Variants in HS6ST3 observed in about 807,000 individuals in gnomAD.
HS6ST3 encodes the protein heparan sulfate 6-O-sulfotransferase 3.
Under a neutral mutation model 36.7 loss-of-function variants are expected in HS6ST3, and 12 were observed. The observed-to-expected ratio is 0.33, with a 90% CI of 0.21 to 0.53. The LOEUF (loss-of-function observed/expected upper bound fraction) is 0.53, where lower values mean the gene tolerates loss of function less well. Among genes scored for constraint, HS6ST3 ranks in the 20% least tolerant of loss-of-function variants. The pLI, the probability that HS6ST3 is intolerant of heterozygous loss-of-function variation, is 0.95. For synonymous variants in HS6ST3, 240 were observed against 257.5 expected (o/e 0.93, Z 0.65); for missense variants, 584 against 640.9 (o/e 0.91, Z 0.96).
chr13:96,368,010 C>A (rs2055271627), intron 1 of HS6ST3, among the ~76,000 whole-genome samples: 2 of 152,152 alleles, frequency 1.3e-5, no homozygotes, highest in African/African-American at 4.8e-5. Flanking sequence ...GTGCACAGAG[C>A]ACAATATTTC....
intron 1 of HS6ST3, among the ~76,000 whole-genome samples, chr13:96,626,280 C>T (rs376053105): frequency 7.8e-4 from 119 of 152,168 alleles, no homozygotes; most frequent in African/African-American, 2.7e-3. Flanking sequence ...TCTTTTAATA[C>T]GCCTAAATTT....
intron 1 of HS6ST3, among the ~76,000 whole-genome samples, chr13:96,704,417 A>G (rs1381363966): frequency 6.6e-6 from 1 of 152,230 alleles, no homozygotes; most frequent in Non-Finnish European, 1.5e-5. Context: ...TATTAGTAGT[A>G]AGATCAGTCA....
intron 1 of HS6ST3, among the ~76,000 whole-genome samples, chr13:96,614,170 C>T (rs1260918056): frequency 6.6e-6 from 1 of 151,406 alleles, no homozygotes. Context: ...TGGTGATGGG[C>T]GCCTGTAGTC....
At chr13:96,448,919 T>A (rs1031761710) in intron 1 of HS6ST3, among the ~76,000 whole-genome samples, 6 of 151,374 alleles carry the variant, frequency 4.0e-5, no homozygotes, top group African/African-American at 9.8e-5. Context: ...GTTTTTATTT[T>A]TTTATTTTCA....
intron 1 of HS6ST3, among the ~76,000 whole-genome samples, chr13:96,409,626 A>G (rs1325285357): frequency 6.6e-6 from 1 of 152,206 alleles, no homozygotes; most frequent in Non-Finnish European, 1.5e-5. Flanking sequence ...CAATAAATAT[A>G]TAGGAACTTC....
chr13:96,320,756 G>A (rs563665884), intron 1 of HS6ST3, among the ~76,000 whole-genome samples: 21 of 152,330 alleles, frequency 1.4e-4, no homozygotes, highest in East Asian at 1.4e-3. Context: ...CATCCCCAGC[G>A]TCGGGGAAGA....
chr13:96,761,184 G>T (rs928253969), intron 1 of HS6ST3, among the ~76,000 whole-genome samples: 1 of 150,356 alleles, frequency 6.7e-6, no homozygotes. Context: ...ACACAATCTC[G>T]GCTCACTGCA....
At chr13:96,223,920 A>G (rs1295914106) in intron 1 of HS6ST3, among the ~76,000 whole-genome samples, 1 of 152,178 alleles carries the variant, frequency 6.6e-6, no homozygotes, top group East Asian at 1.9e-4. Flanking sequence ...AGTTCTTTAT[A>G]TAATCTAAAG....
intron 1 of HS6ST3, among the ~76,000 whole-genome samples, chr13:96,753,454 C>A (rs1224599758): frequency 6.6e-6 from 1 of 152,000 alleles, no homozygotes; most frequent in Non-Finnish European, 1.5e-5. Flanking sequence ...TTTTTAGATA[C>A]TGTATATTTC....
intron 1 of HS6ST3, among the ~76,000 whole-genome samples, chr13:96,314,364 A>G (rs1299218834): frequency 2.6e-5 from 4 of 152,200 alleles, no homozygotes; most frequent in African/African-American, 4.8e-5. Flanking sequence ...CTTTACTAAG[A>G]TATTGGGAAA....
chr13:96,700,536 C>T (rs937813336), intron 1 of HS6ST3, among the ~76,000 whole-genome samples: 3 of 152,064 alleles, frequency 2.0e-5, no homozygotes, highest in Admixed American at 6.6e-5. Context: ...TTACATTATT[C>T]CTTTTACATT....
chr13:96,639,196 G>T (rs2056561534), intron 1 of HS6ST3, among the ~76,000 whole-genome samples: 1 of 151,920 alleles, frequency 6.6e-6, no homozygotes, highest in African/African-American at 2.4e-5. Context: ...TTTGTTATAT[G>T]TATTTTGAGA....
At chr13:96,424,086 C>G (rs1414182255) in intron 1 of HS6ST3, among the ~76,000 whole-genome samples, 1 of 152,164 alleles carries the variant, frequency 6.6e-6, no homozygotes, top group Non-Finnish European at 1.5e-5. Flanking sequence ...TCATCTTTCT[C>G]TAGCTAGTTC....
At chr13:96,442,113 C>T (rs2055674509) in intron 1 of HS6ST3, among the ~76,000 whole-genome samples, 1 of 151,882 alleles carries the variant, frequency 6.6e-6, no homozygotes, top group African/African-American at 2.4e-5. Context: ...CCTTGACCTC[C>T]CGTGTTCAGG....
chr13:96,235,901 AC>A (rs1209143934), intron 1 of HS6ST3, among the ~76,000 whole-genome samples: 1 of 152,186 alleles, frequency 6.6e-6, no homozygotes, highest in African/African-American at 2.4e-5. Context: ...TTACATGATC[AC>A]AAGGTAAAGT....
At chr13:96,791,255 CCT>C (rs1316810411) in intron 1 of HS6ST3, among the ~76,000 whole-genome samples, 1 of 152,054 alleles carries the variant, frequency 6.6e-6, no homozygotes, top group African/African-American at 2.4e-5. Context: ...TTTTCACCAT[CCT>C]CTAAGTTCTG....
intron 1 of HS6ST3, among the ~76,000 whole-genome samples, chr13:96,100,975 A>G (rs2139294855): frequency 6.6e-6 from 1 of 152,288 alleles, no homozygotes; most frequent in East Asian, 1.9e-4. Context: ...ATTAGTCTCC[A>G]CCTAAAGAAT....
chr13:96,431,731 T>A (rs187814669), intron 1 of HS6ST3, among the ~76,000 whole-genome samples: 119 of 152,324 alleles, frequency 7.8e-4, no homozygotes, highest in African/African-American at 2.7e-3. Flanking sequence ...GAACAAGCGA[T>A]GGTTGGCAAT....
intron 1 of HS6ST3, among the ~76,000 whole-genome samples, chr13:96,740,641 T>C (rs1469757606): frequency 6.6e-6 from 1 of 152,154 alleles, no homozygotes; most frequent in African/African-American, 2.4e-5. Context: ...GGTAATTTAA[T>C]ATGTCAGTAA....
Sources: allele counts gnomAD v4.1 joint callset (sites outside exome capture counted in the v4.1 genomes callset), GRCh38; gene constraint gnomAD v4.1.1; transcripts MANE v1.5; gene names NCBI Gene and HGNC (gene_info 2026-07-23, HGNC 2026-07-21).